The following ANKRD11 variants were observed in gnomAD, a reference collection of about 807,000 sequenced individuals.
ANKRD11 encodes the protein ankyrin repeat domain-containing protein 11.
In ANKRD11, 17 loss-of-function variants were observed where a neutral mutation model predicts 195.7. The observed-to-expected ratio is 0.09, with a 90% CI of 0.06 to 0.13. The LOEUF is 0.13. Ranked by LOEUF, ANKRD11 falls within the 10% of genes least tolerant of loss-of-function variation. The probability of loss-of-function intolerance (pLI) is 1.00; values close to 1 mark genes in which losing one functional copy is unlikely to be tolerated. For synonymous variants in ANKRD11, 1,953 were observed against 1,528.1 expected (o/e 1.28, Z -6.49); for missense variants, 3,735 against 3,566.1 (o/e 1.05, Z -1.21).
At chr16:89,461,784 A>C (rs1414518786) in intron 1 of ANKRD11, among the ~76,000 whole-genome samples, 1 of 152,160 alleles carries the variant, frequency 6.6e-6, no homozygotes, top group East Asian at 1.9e-4. Context: ...AACACTAATA[A>C]CTATGGTCAT....
At chr16:89,319,573 A>G (rs2037178874) in intron 2 of ANKRD11, among the ~76,000 whole-genome samples, 1 of 152,092 alleles carries the variant, frequency 6.6e-6, no homozygotes, top group Non-Finnish European at 1.5e-5. Context: ...CTTGGCTACA[A>G]CATGTTACCG....
intron 4 of ANKRD11, chr16:89,297,913 C>T (rs529520023): frequency 6.6e-6 from 1 of 152,410 alleles, no homozygotes; most frequent in Non-Finnish European, 1.5e-5. Flanking sequence ...ATCTCTTACG[C>T]CTTTCAGCTT....
chr16:89,480,952 G>A (rs758229978), intron 1 of ANKRD11, among the ~76,000 whole-genome samples: 2 of 152,048 alleles, frequency 1.3e-5, no homozygotes, highest in African/African-American at 2.4e-5. Context: ...CACCAGTGAC[G>A]TCCACATCTG....
At chr16:89,395,090 G>A (rs544597068) in intron 2 of ANKRD11, among the ~76,000 whole-genome samples, 4 of 152,304 alleles carry the variant, frequency 2.6e-5, no homozygotes, top group Admixed American at 2.0e-4. Flanking sequence ...TAAACCAAGT[G>A]ACCAGGCTGA....
At chr16:89,365,949 C>A (rs2152068670) in intron 2 of ANKRD11, among the ~76,000 whole-genome samples, 1 of 152,126 alleles carries the variant, frequency 6.6e-6, no homozygotes, top group South Asian at 2.1e-4. Flanking sequence ...TCATAAGTGA[C>A]AACACGCAGT....
At chr16:89,481,006 G>A (rs756020774) in intron 1 of ANKRD11, among the ~76,000 whole-genome samples, 1 of 152,072 alleles carries the variant, frequency 6.6e-6, no homozygotes, top group Non-Finnish European at 1.5e-5. Context: ...CACACAGTAG[G>A]CACAAAATAA....
chr16:89,341,927 G>C (rs1278991095), intron 2 of ANKRD11, among the ~76,000 whole-genome samples: 1 of 146,296 alleles, frequency 6.8e-6, no homozygotes, highest in Non-Finnish European at 1.5e-5. Context: ...CCCACGGCGG[G>C]AGTGCTGCAC....
At chr16:89,309,055 G>A (rs1200289400) in intron 3 of ANKRD11, among the ~76,000 whole-genome samples, 1 of 152,152 alleles carries the variant, frequency 6.6e-6, no homozygotes, top group Non-Finnish European at 1.5e-5. Context: ...CAGCACAGGA[G>A]GACATGTTCA....
intron 2 of ANKRD11, among the ~76,000 whole-genome samples, chr16:89,374,021 G>A (rs1432096493): frequency 1.3e-5 from 2 of 152,190 alleles, no homozygotes; most frequent in East Asian, 1.9e-4. Flanking sequence ...CAGGAGCTCC[G>A]CACTTCTGCA....
chr16:89,319,673 C>A (rs2037185150), intron 2 of ANKRD11, among the ~76,000 whole-genome samples: 1 of 152,240 alleles, frequency 6.6e-6, no homozygotes, highest in African/African-American at 2.4e-5. Flanking sequence ...ATGGTGACAG[C>A]TGAGATGTCC....
chr16:89,290,596 C>G, intron 6 of ANKRD11, 29 bp downstream of exon 6: 1 of 1,606,646 alleles, frequency 6.2e-7, no homozygotes, highest in Non-Finnish European at 8.5e-7. Context: ...GTGGGGCTCT[C>G]TGGCCCTTGC....
intron 3 of ANKRD11, among the ~76,000 whole-genome samples, chr16:89,315,942 G>A (rs1325239249): frequency 6.6e-6 from 1 of 152,178 alleles, no homozygotes; most frequent in African/African-American, 2.4e-5. Flanking sequence ...CTCACAGGTA[G>A]TGACCTGGGG....
intron 1 of ANKRD11, among the ~76,000 whole-genome samples, chr16:89,444,466 T>G (rs1356394067): frequency 1.0e-4 from 14 of 134,074 alleles, no homozygotes; most frequent in Admixed American, 2.3e-4. Flanking sequence ...GTCGGGGGGG[T>G]GGAGTGGAGG....
chr16:89,395,432 C>G (rs1319895543), intron 2 of ANKRD11, among the ~76,000 whole-genome samples: 1 of 152,202 alleles, frequency 6.6e-6, no homozygotes, highest in Non-Finnish European at 1.5e-5. Context: ...AGAGAGGAGA[C>G]AGCGCTGGGA....
chr16:89,379,482 G>C (rs1042347997), intron 2 of ANKRD11, among the ~76,000 whole-genome samples: 8 of 152,224 alleles, frequency 5.3e-5, no homozygotes, highest in Non-Finnish European at 1.0e-4. Context: ...CTTTCCAGGA[G>C]TCCAACTTGA....
At chr16:89,368,160 A>G (rs2040028811) in intron 2 of ANKRD11, among the ~76,000 whole-genome samples, 1 of 151,802 alleles carries the variant, frequency 6.6e-6, no homozygotes, top group South Asian at 2.1e-4. Context: ...CCAGATTCCA[A>G]CAATTCCAAC....
intron 2 of ANKRD11, among the ~76,000 whole-genome samples, chr16:89,346,758 T>C (rs1225194081): frequency 6.6e-6 from 1 of 152,238 alleles, no homozygotes; most frequent in Non-Finnish European, 1.5e-5. Flanking sequence ...AATGTATTTA[T>C]ATTTATCGCT....
At chr16:89,488,834 T>A (rs1287822412) in intron 1 of ANKRD11, among the ~76,000 whole-genome samples, 1 of 152,188 alleles carries the variant, frequency 6.6e-6, no homozygotes, top group African/African-American at 2.4e-5. Flanking sequence ...TCTCCTCATG[T>A]AAGAAAGCCT....
chr16:89,281,525 C>G lies in ANKRD11; in HGVS notation c.5017G>C (p.Gly1673Arg), dbSNP rs1482549571. Reference sequence around the variant, plus strand: ...GCCAGCCAGTCTTTGGAGTCTGCACCTGATGCTGGGTGTAGCTTATTTTCC... The same window carrying G: ...GCCAGCCAGTCTTTGGAGTCTGCACGTGATGCTGGGTGTAGCTTATTTTCC... ...AAENKLHPAS[G>R]ADSKDWLAGP... The change falls in exon 9 of 13, where the codon GGT becomes CGT. Residue 1673 changes from glycine to arginine, a missense_variant. Physicochemically the swap from Gly to Arg is moderately radical, Grantham distance 125. Transcript: ENST00000301030. The surrounding 1 kb of genome is among the most constrained non-coding windows in gnomAD (Gnocchi z 5.5). The G allele has an allele frequency of 5.6e-6, 9 of 1,614,238 alleles. No individual in the cohort carries two copies. The highest frequency in any genetic ancestry group is 7.6e-6 in the Non-Finnish European group (9 of 1,180,042).
Sources: allele counts gnomAD v4.1 joint callset (sites outside exome capture counted in the v4.1 genomes callset), GRCh38; gene constraint gnomAD v4.1.1; non-coding constraint Gnocchi (gnomAD v3.1); transcripts MANE v1.5; gene names NCBI Gene and HGNC (gene_info 2026-07-23, HGNC 2026-07-21).